Variants in GRIK2 observed in about 807,000 individuals in gnomAD.
GRIK2 encodes the protein glutamate ionotropic receptor kainate type subunit 2.
In GRIK2, 32 loss-of-function variants were observed where a neutral mutation model predicts 100.3. That is an observed-to-expected ratio of 0.32 (90% CI 0.24 to 0.43). GRIK2 has a LOEUF of 0.43. Among genes scored for constraint, GRIK2 ranks in the 20% least tolerant of loss-of-function variants. The pLI is 1.00. For synonymous variants in GRIK2, 417 were observed against 389.4 expected, an observed-to-expected ratio of 1.07 and a Z score of -0.83; for missense variants, 843 against 1,114.9, an observed-to-expected ratio of 0.76 and a Z score of 3.47.
At chr6:102,019,956 G>A (rs1366065923) in intron 14 of GRIK2, among the ~76,000 whole-genome samples, 2 of 151,910 alleles carry the variant, frequency 1.3e-5, no homozygotes, top group African/African-American at 4.8e-5. Context: ...TACCCATACA[G>A]TTGCTAAAAA....
chr6:101,764,327 A>G (rs926436379), intron 7 of GRIK2, among the ~76,000 whole-genome samples: 4 of 152,110 alleles, frequency 2.6e-5, no homozygotes, highest in Admixed American at 6.5e-5. Context: ...ATCTTCCGTG[A>G]CATCTTCCTG....
intron 14 of GRIK2, among the ~76,000 whole-genome samples, chr6:102,001,864 A>T (rs1459017566): frequency 6.6e-6 from 1 of 151,820 alleles, no homozygotes; most frequent in Non-Finnish European, 1.5e-5. Context: ...TTTCTAAGTA[A>T]TCAATGATTT....
chr6:101,494,487 A>T (rs1773319107), intron 2 of GRIK2, among the ~76,000 whole-genome samples: 1 of 152,076 alleles, frequency 6.6e-6, no homozygotes. Context: ...CTTGAAGTTT[A>T]AAAACTTTAA....
intron 14 of GRIK2, among the ~76,000 whole-genome samples, chr6:101,966,204 G>A (rs1216293583): frequency 6.6e-6 from 1 of 152,026 alleles, no homozygotes; most frequent in Non-Finnish European, 1.5e-5. Flanking sequence ...ATGAAACAAT[G>A]TACTTTGTAT....
In GRIK2 at chr6:101,824,927, T is replaced by C. The variant is rs534581917; in HGVS notation, c.1317+6444T>C. 2.0e-3 allele frequency among the ~76,000 whole-genome samples: 311 copies of C among 152,280 alleles called. 3 individuals carry two copies. Among genetic ancestry groups the C allele is most frequent in the African/African-American group, 7.0e-3 (291 of 41,568 alleles). On this transcript the variant is annotated intron_variant, in intron 10 of 16. Coordinates refer to ENST00000369134, the MANE Select transcript of GRIK2 (RefSeq NM_021956.5). ...ACAAAAGAGAGAAGTGACCGAATTA[T>C]CCCCTAAGTGGTTCTGTAGCTTCTT...
At chr6:101,909,918 A>C (rs1404337222) in intron 12 of GRIK2, among the ~76,000 whole-genome samples, 1 of 151,222 alleles carries the variant, frequency 6.6e-6, no homozygotes, top group Non-Finnish European at 1.5e-5. Flanking sequence ...AAATAATATA[A>C]TGCAGCACTA....
intron 11 of GRIK2, among the ~76,000 whole-genome samples, chr6:101,873,474 A>T (rs376520893): frequency 2.6e-5 from 4 of 151,632 alleles, no homozygotes; most frequent in Non-Finnish European, 5.9e-5. Flanking sequence ...ATGTGCCACA[A>T]TTTCTTAATC....
chr6:101,626,655 C>G lies in GRIK2; in HGVS notation c.541+18C>G. The G allele has an allele frequency of 6.2e-7, 1 of 1,605,032 alleles. No homozygotes were observed. The highest frequency in any genetic ancestry group is 1.1e-5 in the South Asian group (1 of 90,654). Reference sequence around the variant, plus strand: ...CAGCACTGGTAAGAAAAATCAGTATCTTTTGGAGCTATGCTTTAAATATAG... The same window carrying G: ...CAGCACTGGTAAGAAAAATCAGTATGTTTTGGAGCTATGCTTTAAATATAG... On this transcript the variant is annotated intron_variant, in intron 4 of 16. Coordinates refer to ENST00000369134, the MANE Select transcript of GRIK2 (RefSeq NM_021956.5).
At chr6:101,955,184 G>T (rs1791838519) in intron 14 of GRIK2, among the ~76,000 whole-genome samples, 1 of 151,856 alleles carries the variant, frequency 6.6e-6, no homozygotes, top group Non-Finnish European at 1.5e-5. Flanking sequence ...TTTTTGGGGG[G>T]TTTTGATATC....
intron 14 of GRIK2, among the ~76,000 whole-genome samples, chr6:101,972,387 C>T (rs1041327221): frequency 2.0e-5 from 3 of 151,802 alleles, no homozygotes; most frequent in Non-Finnish European, 4.4e-5. Context: ...TCATTGTCTG[C>T]GTGTATGTCT....
At chr6:101,979,248 T>C (rs1376637702) in intron 14 of GRIK2, among the ~76,000 whole-genome samples, 1 of 151,898 alleles carries the variant, frequency 6.6e-6, no homozygotes, top group African/African-American at 2.4e-5. Flanking sequence ...CAGTTTTTAG[T>C]AATGGCAATG....
chr6:101,407,312 G>C (rs182821072), intron 2 of GRIK2, among the ~76,000 whole-genome samples: 1 of 151,984 alleles, frequency 6.6e-6, no homozygotes, highest in Non-Finnish European at 1.5e-5. Flanking sequence ...GAACTCAAAG[G>C]TCCCCACGTT....
chr6:101,438,478 A>G (rs1355019288), intron 2 of GRIK2, among the ~76,000 whole-genome samples: 1 of 152,246 alleles, frequency 6.6e-6, no homozygotes. Flanking sequence ...TAGCTCCACT[A>G]TCGTACTTAT....
chr6:101,467,904 G>A (rs1237232480), intron 2 of GRIK2, among the ~76,000 whole-genome samples: 1 of 145,154 alleles, frequency 6.9e-6, no homozygotes, highest in African/African-American at 2.6e-5. Context: ...TTTTTTTGAG[G>A]TTTCATTTTT....
intron 2 of GRIK2, among the ~76,000 whole-genome samples, chr6:101,405,656 G>C (rs1283381502): frequency 6.6e-6 from 1 of 151,974 alleles, no homozygotes; most frequent in African/African-American, 2.4e-5. Context: ...TCTATATTCA[G>C]ATTATTAAAC....
intron 12 of GRIK2, 64 bp from the exon 13 acceptor site, chr6:101,924,537 A>T (rs1453943217): frequency 1.2e-6 from 1 of 845,294 alleles, no homozygotes; most frequent in African/African-American, 1.7e-5. Context: ...GCAGCAAAAA[A>T]TGCTGGATAG....
In GRIK2 at chr6:101,486,554, C is replaced by T. The variant is rs565759068; in HGVS notation, c.115+87162C>T. On this transcript the variant is annotated intron_variant, in intron 2 of 16. Transcript: ENST00000369134. The stretch of plus-strand genomic sequence containing the variant: ...TGTTTACTTTAAGCATTAGGACCAC[C>T]TTAACCAATTCTTTGGTGGATGAAG... Among the ~76,000 whole-genome samples the T allele has an allele frequency of 2.1e-4, 32 of 152,196 alleles. No individual in the cohort carries two copies. The South Asian group carries it at 6.6e-3, about 32-fold the overall frequency.
chr6:101,657,123 T>C (rs954446515), intron 4 of GRIK2, among the ~76,000 whole-genome samples: 2 of 152,206 alleles, frequency 1.3e-5, no homozygotes, highest in African/African-American at 4.8e-5. Flanking sequence ...GATTATTACA[T>C]TTACTGAGTG....
At chr6:101,784,922 G>A (rs1779328053) in intron 7 of GRIK2, among the ~76,000 whole-genome samples, 1 of 152,154 alleles carries the variant, frequency 6.6e-6, no homozygotes, top group African/African-American at 2.4e-5. Context: ...CTCAGCAGCA[G>A]TGTATAAGAG....
Sources: gnomAD v4.1 joint callset for allele counts (sites outside exome capture counted in the v4.1 genomes callset) on GRCh38, gnomAD v4.1.1 for gene constraint, MANE v1.5 for transcripts, NCBI Gene and HGNC (gene_info 2026-07-23, HGNC 2026-07-21) for gene names.